Variants in TRIM24 observed in about 807,000 individuals in gnomAD.
TRIM24 encodes transcription intermediary factor 1-alpha.
A neutral mutation model predicts 123.9 loss-of-function variants in TRIM24; 29 were observed. That is an observed-to-expected ratio of 0.23 (90% CI 0.17 to 0.32). The LOEUF is 0.32. Among genes scored for constraint, TRIM24 ranks in the 10% least tolerant of loss-of-function variants. The probability of loss-of-function intolerance (pLI) is 1.00; values close to 1 mark genes in which losing one functional copy is unlikely to be tolerated. For synonymous variants in TRIM24, 456 were observed against 461.1 expected, an observed-to-expected ratio of 0.99 and a Z score of 0.14; for missense variants, 932 against 1,295.3, an observed-to-expected ratio of 0.72 and a Z score of 4.31.
chr7:138,577,165 A>T (rs79672840), intron 13 of TRIM24, among the ~76,000 whole-genome samples: 1 of 152,332 alleles, frequency 6.6e-6, no homozygotes, highest in East Asian at 1.9e-4. Context: ...GTAAAGCCTC[A>T]GGTTTTTAAA....
intron 1 of TRIM24, among the ~76,000 whole-genome samples, chr7:138,462,149 A>G (rs1437686595): frequency 6.6e-6 from 1 of 152,176 alleles, no homozygotes; most frequent in Non-Finnish European, 1.5e-5. Flanking sequence ...CATATTATCC[A>G]GTATAATAAG....
At chr7:138,523,701 A>T (rs1796550389) in intron 4 of TRIM24, among the ~76,000 whole-genome samples, 1 of 141,650 alleles carries the variant, frequency 7.1e-6, no homozygotes, top group African/African-American at 2.6e-5. Flanking sequence ...CAGTGAGCCG[A>T]GATGGGGCCA....
intron 1 of TRIM24, among the ~76,000 whole-genome samples, chr7:138,493,648 C>T (rs1795843170): frequency 6.6e-6 from 1 of 152,170 alleles, no homozygotes. Flanking sequence ...ACCATCTCTG[C>T]TGATCCTCAG....
chr7:138,519,388 A>G, intron 4 of TRIM24, 67 bp downstream of exon 4: 7 of 1,510,514 alleles, frequency 4.6e-6, no homozygotes. Context: ...GACTGCTGCC[A>G]ACCCTCATCA....
rs906957144 is a variant in TRIM24, at chr7:138,521,949, G to A, written c.764+2628G>A. On this transcript the variant is annotated intron_variant, in intron 4 of 18. Coordinates refer to ENST00000343526, the MANE Select transcript of TRIM24 (RefSeq NM_015905.3). ...AATAGAAAACTCCATAGTCACAGTG[G>A]AAAATCTTACCACTTTATGCAATAA... is the stretch of plus-strand genomic sequence containing the variant. 3.3e-5 allele frequency among the ~76,000 whole-genome samples: 5 copies of A among 152,074 alleles called. No individual in the cohort carries two copies. The East Asian group carries it at 9.6e-4, about 29-fold the overall frequency.
intron 2 of TRIM24, 129 bp downstream of exon 2, chr7:138,504,537 A>T: frequency 1.9e-6 from 1 of 514,152 alleles, no homozygotes. Context: ...ATCTCCGTTC[A>T]CTGCAAGCTC....
intron 1 of TRIM24, among the ~76,000 whole-genome samples, chr7:138,470,698 A>T (rs1261669637): frequency 6.6e-6 from 1 of 152,204 alleles, no homozygotes; most frequent in African/African-American, 2.4e-5. Flanking sequence ...AACGACAGAG[A>T]CAGTTCCATT....
intron 10 of TRIM24, among the ~76,000 whole-genome samples, chr7:138,568,440 A>ACAGT (rs1797585276): frequency 8.0e-6 from 1 of 125,478 alleles, no homozygotes. Context: ...AGGCTAGAGT[A>ACAGT]CAGTGGCATG....
At chr7:138,565,280 G>T (rs1584741526) in intron 9 of TRIM24, among the ~76,000 whole-genome samples, 1 of 152,204 alleles carries the variant, frequency 6.6e-6, no homozygotes, top group South Asian at 2.1e-4. Context: ...CCCTGACTTT[G>T]CAAGCCACTC....
chr7:138,519,287 C>A lies in TRIM24; in HGVS notation c.730C>A (p.Arg244=). 1 of 1,613,062 alleles carries A rather than the reference C, an allele frequency of 6.2e-7. No individual in the cohort carries two copies. The highest frequency in any genetic ancestry group is 1.1e-5 in the South Asian group (1 of 90,808). ...TGAGACATGTGACAAACTGACATGT[C>A]GAGACTGTCAGTTGTTAGAACATAA... ...YCETCDKLTC[R]DCQLLEHKEH... is the part of the protein sequence containing the mutation. The change falls in exon 4 of 19, where the codon CGA becomes AGA. Residue 244 remains arginine, a synonymous_variant. Coordinates refer to ENST00000343526, the MANE Select transcript of TRIM24 (RefSeq NM_015905.3).
intron 1 of TRIM24, among the ~76,000 whole-genome samples, chr7:138,467,302 G>A (rs551174418): frequency 9.9e-5 from 15 of 152,078 alleles, no homozygotes; most frequent in African/African-American, 3.6e-4. Context: ...ATTGAATCTA[G>A]ATATCAATTT....
chr7:138,466,242 G>T (rs1348967672), intron 1 of TRIM24, among the ~76,000 whole-genome samples: 1 of 152,068 alleles, frequency 6.6e-6, no homozygotes, highest in Non-Finnish European at 1.5e-5. Flanking sequence ...TGATCCACCC[G>T]CCTCGGCCTC....
chr7:138,552,389 C>T (rs1797229307), intron 8 of TRIM24, among the ~76,000 whole-genome samples: 1 of 152,162 alleles, frequency 6.6e-6, no homozygotes, highest in African/African-American at 2.4e-5. Context: ...GCAAGCAGTT[C>T]AGCAGAAAGT....
intron 2 of TRIM24, among the ~76,000 whole-genome samples, chr7:138,508,670 T>C (rs1291086648): frequency 3.6e-5 from 2 of 56,196 alleles, no homozygotes; most frequent in Admixed American, 1.8e-4. Flanking sequence ...GGAGTGTGTG[T>C]GTGTGTGTGT....
At chr7:138,579,125 G>A in intron 14 of TRIM24, 79 bp from the exon 15 acceptor site, 1 of 1,183,890 alleles carries the variant, frequency 8.4e-7, no homozygotes, top group African/African-American at 1.5e-5. Context: ...GCTCACCAGA[G>A]AGTGGTCTAC....
chr7:138,461,116 G>A, intron 1 of TRIM24: 1 of 715,288 alleles, frequency 1.4e-6, no homozygotes, highest in Admixed American at 2.0e-5. Flanking sequence ...AACTTCCCCG[G>A]GCGCTGTGGA....
chr7:138,530,064 C>T (rs189577939), intron 6 of TRIM24, among the ~76,000 whole-genome samples: 1 of 152,204 alleles, frequency 6.6e-6, no homozygotes, highest in Non-Finnish European at 1.5e-5. Flanking sequence ...TCTATCCCTT[C>T]TGGGAAAGCA....
intron 8 of TRIM24, among the ~76,000 whole-genome samples, chr7:138,552,029 GTT>G (rs538567598): frequency 6.8e-6 from 1 of 146,762 alleles, no homozygotes; most frequent in Non-Finnish European, 1.5e-5. Context: ...TATAAATACA[GTT>G]TTTTTTTTTA....
intron 14 of TRIM24, among the ~76,000 whole-genome samples, chr7:138,578,145 A>G (rs3778705): frequency 0.74 from 112,697 of 151,848 alleles, 42,067 homozygotes; most frequent in Non-Finnish European, 0.77. Context: ...TTGTGAGAAT[A>G]ACATAGAAAT....
Sources: allele counts gnomAD v4.1 joint callset (sites outside exome capture counted in the v4.1 genomes callset), GRCh38; gene constraint gnomAD v4.1.1; transcripts MANE v1.5; gene names NCBI Gene and HGNC (gene_info 2026-07-23, HGNC 2026-07-21).